The following BEST3 variants were observed in gnomAD, a reference collection of about 807,000 sequenced individuals.
The protein encoded by BEST3 is bestrophin-3.
A neutral mutation model predicts 47.1 loss-of-function variants in BEST3; 50 were observed. The ratio of observed to expected loss-of-function variants is 1.06; its 90% CI spans 0.85 to 1.34. The LOEUF is 1.34. BEST3 is among the 40% of genes most tolerant of loss of function. The pLI is 0.00. For synonymous variants in BEST3, 282 were observed against 298.8 expected (o/e 0.94, Z 0.58); for missense variants, 765 against 817.0 (o/e 0.94, Z 0.78).
intron 9 of BEST3, among the ~76,000 whole-genome samples, chr12:69,659,345 T>G (rs937944650): frequency 6.6e-6 from 1 of 152,166 alleles, no homozygotes; most frequent in Non-Finnish European, 1.5e-5. Context: ...TAGTTTAAAA[T>G]AGAATACGTA....
intron 9 of BEST3, chr12:69,670,526 T>G (rs755644667): frequency 1.4e-6 from 1 of 702,802 alleles, no homozygotes; most frequent in Non-Finnish European, 2.6e-6. Flanking sequence ...AAACCATCAC[T>G]GATGGGGATT....
rs965600057 is a variant in BEST3 at position 69,655,949 on chromosome 12, T to G, written c.1101-136A>C. On this transcript the variant is annotated intron_variant, in intron 9 of 9. Coordinates refer to ENST00000330891, the MANE Select transcript of BEST3 (RefSeq NM_032735.3). ...TAAATGGGGGTTTGAGGACTTGAGA[T>G]AGTCTAGCAGAGGCTCACACACTTT... The G allele has an allele frequency of 5.9e-6, 8 of 1,351,998 alleles. No individual in the cohort carries two copies. The South Asian group carries it at 1.3e-4, about 21-fold the overall frequency. 83.8% of individuals were successfully genotyped at this position (1,351,998 alleles called of 1,614,324 possible).
Position 69,655,368 on chromosome 12 carries a change from CT to C in BEST3, c.1545del (p.Gly517AlafsTer11), listed in dbSNP as rs749404234. On this transcript the variant is annotated frameshift_variant, in exon 10 of 10. Transcript: ENST00000330891. LOFTEE classifies it low-confidence loss of function (END_TRUNC). ...GTAGCGGAATCATGGTGGTAGCCCC[CT>C]GATGTGGGCACTGGTGCTTCGGCTG... ...ITAAEAPVPT[S>X]GGYHHDSATS... The C allele has an allele frequency of 1.3e-5, 21 of 1,614,112 alleles. No homozygotes were observed. Among genetic ancestry groups the C allele is most frequent in the Non-Finnish European group, 1.8e-5 (21 of 1,180,022 alleles).
intron 4 of BEST3, among the ~76,000 whole-genome samples, chr12:69,679,750 G>A (rs775488): frequency 0.45 from 68,346 of 151,998 alleles, 16,072 homozygotes; most frequent in Admixed American, 0.58. Flanking sequence ...AATCCCAGCT[G>A]CTGGGGAGGC....
At chr12:69,667,002 A>G (rs546595488) in intron 9 of BEST3, among the ~76,000 whole-genome samples, 1 of 152,174 alleles carries the variant, frequency 6.6e-6, no homozygotes, top group Middle Eastern at 3.2e-3. Context: ...ATCCTCAGCT[A>G]TCTGTCTTTC....
At position 69,654,517 on chromosome 12, in the gene BEST3, A is replaced by C. The variant is rs2135905462; in HGVS notation, c.*390T>G. ...AAAAAGAAAGAGAAAAAAGAAGAGAAATAGAGAACCCTGCGTGTCTGGGCC... is the reference window on the plus strand; with the variant it reads ...AAAAAGAAAGAGAAAAAAGAAGAGACATAGAGAACCCTGCGTGTCTGGGCC... On this transcript the variant is annotated 3_prime_UTR_variant, in exon 10 of 10. Coordinates refer to ENST00000330891, the MANE Select transcript of BEST3 (RefSeq NM_032735.3). 1.0e-6 allele frequency: 1 copy of C among 993,438 alleles called. No individual in the cohort carries two copies. The highest frequency in any genetic ancestry group is 1.2e-6 in the Non-Finnish European group (1 of 835,498). The allele number at this position is 993,438 out of a possible 1,614,324, so 61.5% of individuals were successfully genotyped here.
rs116583943 is a variant in BEST3 at position 69,643,563 on chromosome 12, G to T, written c.*128C>A. On this transcript the variant is annotated 3_prime_UTR_variant, in exon 10 of 10. Coordinates refer to the BEST3 transcript ENST00000331471. ...GTACCATGTTGGGCATTAATAAAGT[G>T]CATTTCTTAGGAACTCCACATGCCT... is the stretch of plus-strand genomic sequence containing the variant. 271 of 523,092 alleles carry T rather than the reference G, an allele frequency of 5.2e-4. 3 individuals carry two copies. The highest frequency in any genetic ancestry group is 5.0e-3 in the African/African-American group (255 of 51,508). The allele number at this position is 523,092 out of a possible 1,614,324, so 32.4% of individuals were successfully genotyped here.
rs74340717 is a variant in BEST3 at position 69,688,961 on chromosome 12, T to G, written c.481+4713A>C. 377 of 392,446 alleles carry G rather than the reference T, an allele frequency of 9.6e-4. 4 individuals carry two copies. The highest frequency in any genetic ancestry group is 7.7e-3 in the African/African-American group (354 of 45,968). The allele number at this position is 392,446 out of a possible 1,614,324, so 24.3% of individuals were successfully genotyped here. A position where few individuals can be genotyped will look rare whatever the true frequency, so the allele number is the denominator to read the frequency against. ...TAATGCACCCTGAAGTTTGAGAACA[T>G]GTACTTTTTCTTACAGGTGATTTTA... On this transcript the variant is annotated intron_variant, in intron 4 of 9. Transcript: ENST00000330891.
intron 7 of BEST3, among the ~76,000 whole-genome samples, chr12:69,676,620 C>T (rs1300253372): frequency 6.6e-6 from 1 of 152,162 alleles, no homozygotes; most frequent in Non-Finnish European, 1.5e-5. Context: ...AATGCAAGTA[C>T]ACTTACTACT....
In BEST3 at chr12:69,655,538, C is replaced by T. The variant is rs374103526; in HGVS notation, c.1376G>A (p.Ser459Asn). ...TWKKSCFPEG[S>N]PTLHFSMGEL... ...TCCCATGCTGAAGTGCAGCGTGGGG[C>T]TTCCTTCTGGGAAGCAGGATTTCTT... is the stretch of plus-strand genomic sequence containing the variant. The change falls in exon 10 of 10, where the codon AGC becomes AAC. Residue 459 changes from serine to asparagine, a missense_variant. Physicochemically the swap from Ser to Asn is conservative, Grantham distance 46. Transcript: ENST00000330891. 8 of 1,613,950 alleles carry T rather than the reference C, an allele frequency of 5.0e-6. No individual in the cohort carries two copies. The African/African-American group carries it at 1.1e-4, about 22-fold the overall frequency.
intron 9 of BEST3, among the ~76,000 whole-genome samples, chr12:69,670,817 T>A (rs1430932428): frequency 6.6e-6 from 1 of 152,228 alleles, no homozygotes; most frequent in Non-Finnish European, 1.5e-5. Context: ...TCTTACTTTC[T>A]GAATTAGTCT....
chr12:69,663,539 C>T (rs1187698787), intron 9 of BEST3, among the ~76,000 whole-genome samples: 3 of 152,124 alleles, frequency 2.0e-5, no homozygotes, highest in African/African-American at 7.2e-5. Flanking sequence ...AATTAAAACG[C>T]AGATCAAGGC....
chr12:69,648,186 A>T (rs1469641807), intron 9 of BEST3, among the ~76,000 whole-genome samples: 2 of 152,050 alleles, frequency 1.3e-5, no homozygotes, highest in Admixed American at 6.5e-5. Context: ...CCCCAAAGAA[A>T]CTCTTCTATG....
chr12:69,671,772 G>C (rs551750517), intron 8 of BEST3, among the ~76,000 whole-genome samples, 193 bp from the exon 9 acceptor site: 16 of 152,270 alleles, frequency 1.1e-4, no homozygotes, highest in African/African-American at 3.6e-4. Context: ...CTACTCGAGA[G>C]CACTTGGCGA....
chr12:69,667,352 C>T (rs1019024675), intron 9 of BEST3, among the ~76,000 whole-genome samples: 1 of 151,960 alleles, frequency 6.6e-6, no homozygotes, highest in Non-Finnish European at 1.5e-5. Flanking sequence ...TGGAGTATAA[C>T]GGTGCGATCT....
chr12:69,684,788 C>T (rs924476547), intron 4 of BEST3, among the ~76,000 whole-genome samples: 2 of 152,160 alleles, frequency 1.3e-5, no homozygotes, highest in African/African-American at 4.8e-5. Context: ...TTAGAAATCC[C>T]TGTCAATTGG....
intron 9 of BEST3, among the ~76,000 whole-genome samples, chr12:69,659,866 T>C (rs1883768018): frequency 6.6e-6 from 1 of 152,102 alleles, no homozygotes; most frequent in African/African-American, 2.4e-5. Context: ...TATTCCTATG[T>C]ATTAGGGAGA....
chr12:69,655,918 A>AT (rs1024531614), intron 9 of BEST3, 105 bp from the exon 10 acceptor site: 77 of 1,465,926 alleles, frequency 5.3e-5, no homozygotes, highest in Non-Finnish European at 6.7e-5. Flanking sequence ...TGCCTTATAG[A>AT]TTTTTTAAAT....
intron 2 of BEST3, among the ~76,000 whole-genome samples, chr12:69,694,907 A>C (rs1886075887): frequency 1.3e-5 from 2 of 152,188 alleles, no homozygotes; most frequent in Non-Finnish European, 2.9e-5. Context: ...TCTCCTGAAT[A>C]TGCAACTTAG....
Sources: allele counts gnomAD v4.1 joint callset (sites outside exome capture counted in the v4.1 genomes callset), GRCh38; gene constraint gnomAD v4.1.1; transcripts MANE v1.5; gene names NCBI Gene and HGNC (gene_info 2026-07-23, HGNC 2026-07-21).